The following DNAJC1 variants were observed in gnomAD, a reference collection of about 807,000 sequenced individuals.
DNAJC1 encodes DnaJ heat shock protein family (Hsp40) member C1.
A neutral mutation model predicts 76.6 loss-of-function variants in DNAJC1; 58 were observed. The observed-to-expected ratio is 0.76, with a 90% CI of 0.61 to 0.94. The LOEUF (loss-of-function observed/expected upper bound fraction) is 0.94. Ranked by LOEUF, DNAJC1 falls within the 40% of genes least tolerant of loss-of-function variation. DNAJC1 has a pLI of 0.00. For missense variants in DNAJC1, 689 were observed against 677.3 expected (o/e 1.02, Z -0.19); for synonymous variants, 258 against 267.9 (o/e 0.96, Z 0.36).
chr10:21,909,524 AC>A (rs1836818506), intron 6 of DNAJC1, among the ~76,000 whole-genome samples: 1 of 152,176 alleles, frequency 6.6e-6, no homozygotes, highest in Non-Finnish European at 1.5e-5. Context: ...GTTGTCTTTC[AC>A]CCCCTACCCC....
intron 1 of DNAJC1, among the ~76,000 whole-genome samples, chr10:21,970,269 T>C (rs1384479257): frequency 6.6e-6 from 1 of 152,150 alleles, no homozygotes; most frequent in Non-Finnish European, 1.5e-5. Flanking sequence ...TCCTTCCAAA[T>C]TGTATCATTC....
chr10:21,832,933 C>T (rs975113161), intron 8 of DNAJC1, among the ~76,000 whole-genome samples: 1 of 152,150 alleles, frequency 6.6e-6, no homozygotes, highest in Non-Finnish European at 1.5e-5. Flanking sequence ...ACTCACTGTT[C>T]CTGATGATAT....
In DNAJC1 at chr10:21,902,685, T is replaced by C. The variant is rs1319829548; in HGVS notation, c.820+1837A>G. Among the ~76,000 whole-genome samples the C allele has an allele frequency of 2.6e-5, 4 of 152,212 alleles. No individual in the cohort carries two copies. In the South Asian group the frequency reaches 6.2e-4, roughly 24 times the overall value. The stretch of plus-strand genomic sequence containing the variant: ...AAGTCATTGGACAATTTTGGAAAAA[T>C]AGTTAACTCCGAAAGGAGCTTTTGT... On this transcript the variant is annotated intron_variant, in intron 7 of 11. Coordinates refer to ENST00000376980, the MANE Select transcript of DNAJC1 (RefSeq NM_022365.4).
chr10:21,843,594 C>T (rs543168796), intron 8 of DNAJC1, among the ~76,000 whole-genome samples: 17 of 151,888 alleles, frequency 1.1e-4, no homozygotes, highest in South Asian at 2.1e-4. Context: ...CAGGTTTTAC[C>T]GTGTTAGCCA....
chr10:21,828,057 G>C (rs374010346), intron 8 of DNAJC1, among the ~76,000 whole-genome samples: 3 of 152,136 alleles, frequency 2.0e-5, no homozygotes, highest in African/African-American at 7.2e-5. Context: ...CCCCATCAGC[G>C]TCAATGAGAG....
At chr10:21,946,049 C>CTTTTTTTTTTTTTTT (rs71510915) in intron 1 of DNAJC1, among the ~76,000 whole-genome samples, 1 of 93,306 alleles carries the variant, frequency 1.1e-5, no homozygotes, top group Admixed American at 1.5e-4. Context: ...TTCTTTTCCT[C>CTTTTTTTTTTTTTTT]TTTTTTTTTT....
chr10:22,002,774 G>A (rs1162681986), intron 1 of DNAJC1, among the ~76,000 whole-genome samples: 1 of 152,032 alleles, frequency 6.6e-6, no homozygotes, highest in African/African-American at 2.4e-5. Context: ...GGTAAGTATC[G>A]GTGGAAGATG....
intron 7 of DNAJC1, among the ~76,000 whole-genome samples, chr10:21,899,257 C>T (rs981704348): frequency 5.9e-5 from 9 of 152,330 alleles, no homozygotes; most frequent in African/African-American, 2.2e-4. Context: ...TTTACATACT[C>T]CAGCCCTGGG....
intron 9 of DNAJC1, among the ~76,000 whole-genome samples, chr10:21,775,245 T>A (rs554698541): frequency 1.7e-4 from 26 of 151,494 alleles, no homozygotes; most frequent in Non-Finnish European, 3.4e-4. Flanking sequence ...TTCTGTGTGG[T>A]CCAATGATAA....
intron 7 of DNAJC1, among the ~76,000 whole-genome samples, chr10:21,886,784 T>TA (rs537787929): frequency 1.8e-3 from 277 of 151,652 alleles, no homozygotes; most frequent in Admixed American, 2.7e-3. Flanking sequence ...CCCTTTATGT[T>TA]AAAAAAAACT....
intron 9 of DNAJC1, among the ~76,000 whole-genome samples, chr10:21,768,931 T>A (rs1276592768): frequency 6.6e-6 from 1 of 152,194 alleles, no homozygotes; most frequent in African/African-American, 2.4e-5. Flanking sequence ...ATGAGATGCA[T>A]CCCATAAATC....
intron 1 of DNAJC1, among the ~76,000 whole-genome samples, chr10:21,943,034 A>T (rs558583183): frequency 5.1e-4 from 77 of 151,626 alleles, no homozygotes; most frequent in Admixed American, 2.2e-3. Context: ...AGTTAAAAAA[A>T]TTTTTTTTTC....
At chr10:21,775,331 C>CTTTTTTTTTTTTTTTTT (rs34444920) in intron 9 of DNAJC1, among the ~76,000 whole-genome samples, 1 of 49,668 alleles carries the variant, frequency 2.0e-5, no homozygotes, top group African/African-American at 7.1e-5. Flanking sequence ...CTGCAAATGG[C>CTTTTTTTTTTTTTTTTT]TTTTTTTTTT....
At chr10:21,780,716 T>C (rs1013476305) in intron 9 of DNAJC1, among the ~76,000 whole-genome samples, 14 of 152,134 alleles carry the variant, frequency 9.2e-5, no homozygotes, top group Non-Finnish European at 1.8e-4. Flanking sequence ...ACTAACATCA[T>C]AATGACAGGA....
intron 8 of DNAJC1, among the ~76,000 whole-genome samples, chr10:21,839,581 A>G (rs1445726118): frequency 1.3e-5 from 2 of 152,204 alleles, no homozygotes; most frequent in Non-Finnish European, 2.9e-5. Context: ...TAGACCAATA[A>G]CAGGCTCTGA....
chr10:21,855,647 A>C (rs1835822651), intron 8 of DNAJC1, among the ~76,000 whole-genome samples: 2 of 152,196 alleles, frequency 1.3e-5, no homozygotes, highest in Non-Finnish European at 2.9e-5. Flanking sequence ...TTCAGCTGTT[A>C]TCAAACTAAT....
At chr10:21,864,382 G>A (rs774130122) in intron 8 of DNAJC1, among the ~76,000 whole-genome samples, 74 of 152,294 alleles carry the variant, frequency 4.9e-4, no homozygotes, top group Admixed American at 1.2e-3. Context: ...AGCACCCTGG[G>A]AGGCCAAGGC....
chr10:21,912,926 G>C (rs1836891210), intron 6 of DNAJC1, among the ~76,000 whole-genome samples: 1 of 151,964 alleles, frequency 6.6e-6, no homozygotes, highest in Admixed American at 6.6e-5. Flanking sequence ...TCTTGGGAGG[G>C]AGGATGCTTC....
intron 8 of DNAJC1, among the ~76,000 whole-genome samples, chr10:21,808,577 A>G (rs1834918357): frequency 6.6e-6 from 1 of 152,048 alleles, no homozygotes; most frequent in African/African-American, 2.4e-5. Flanking sequence ...TCTCCCTCCT[A>G]CAGCTGTAAG....
Sources: gnomAD v4.1 joint callset for allele counts (sites outside exome capture counted in the v4.1 genomes callset) on GRCh38, gnomAD v4.1.1 for gene constraint, MANE v1.5 for transcripts, NCBI Gene and HGNC (gene_info 2026-07-23, HGNC 2026-07-21) for gene names.